The following KIAA1328 variants were observed in gnomAD, a reference collection of about 807,000 sequenced individuals.
The protein encoded by KIAA1328 is protein hinderin.
In KIAA1328, 52 loss-of-function variants were observed where a neutral mutation model predicts 68.1. That is an observed-to-expected ratio of 0.76 (90% CI 0.61 to 0.96). The LOEUF is 0.96. Ranked by LOEUF, KIAA1328 falls within the 40% of genes least tolerant of loss-of-function variation. KIAA1328 has a pLI of 0.00. For missense variants in KIAA1328, 641 were observed against 677.6 expected, an observed-to-expected ratio of 0.95 and a Z score of 0.60; for synonymous variants, 232 against 239.4, an observed-to-expected ratio of 0.97 and a Z score of 0.28.
At chr18:37,011,057 T>G (rs2053962616) in intron 6 of KIAA1328, among the ~76,000 whole-genome samples, 1 of 152,142 alleles carries the variant, frequency 6.6e-6, no homozygotes, top group African/African-American at 2.4e-5. Flanking sequence ...CTTGTAAGTT[T>G]ACAACTGTGA....
At chr18:37,197,426 A>G (rs1455042472) in intron 9 of KIAA1328, among the ~76,000 whole-genome samples, 1 of 152,156 alleles carries the variant, frequency 6.6e-6, no homozygotes, top group African/African-American at 2.4e-5. Flanking sequence ...TAAAGCAAGA[A>G]TAAAAAAATC....
chr18:37,140,019 T>C (rs1054453935), intron 7 of KIAA1328, among the ~76,000 whole-genome samples: 1 of 152,162 alleles, frequency 6.6e-6, no homozygotes, highest in Admixed American at 6.5e-5. Flanking sequence ...TCTATGGAGA[T>C]GATAGTCCTT....
chr18:36,869,336 A>G (rs2047864404), intron 4 of KIAA1328, among the ~76,000 whole-genome samples: 2 of 151,858 alleles, frequency 1.3e-5, no homozygotes. Context: ...ACCAGACCCT[A>G]CCTCCTAAAA....
chr18:37,190,716 T>A (rs927580728), intron 9 of KIAA1328, among the ~76,000 whole-genome samples: 5 of 152,194 alleles, frequency 3.3e-5, no homozygotes, highest in African/African-American at 1.2e-4. Context: ...TCATTCTTTA[T>A]CTCTTTCCTT....
At chr18:37,063,713 A>G in intron 6 of KIAA1328, 1 of 980,180 alleles carries the variant, frequency 1.0e-6, no homozygotes, top group Non-Finnish European at 1.2e-6. Flanking sequence ...AACAGGAAAC[A>G]TTAACTGAAA....
At chr18:37,184,577 G>C (rs1217839250) in intron 9 of KIAA1328, among the ~76,000 whole-genome samples, 1 of 152,160 alleles carries the variant, frequency 6.6e-6, no homozygotes, top group Non-Finnish European at 1.5e-5. Flanking sequence ...TTAGAGGAAA[G>C]GGCATTAGAG....
chr18:36,942,001 A>C (rs1034549920), intron 5 of KIAA1328, among the ~76,000 whole-genome samples: 2 of 152,246 alleles, frequency 1.3e-5, no homozygotes, highest in Admixed American at 6.5e-5. Flanking sequence ...AAATACTACA[A>C]TAAATATGGT....
chr18:37,039,787 C>T (rs2055173433), intron 6 of KIAA1328, among the ~76,000 whole-genome samples: 1 of 152,120 alleles, frequency 6.6e-6, no homozygotes, highest in African/African-American at 2.4e-5. Flanking sequence ...TTATCTAGTC[C>T]TGTAGGTCAG....
chr18:37,164,765 A>T (rs2059352138), intron 8 of KIAA1328, among the ~76,000 whole-genome samples: 1 of 152,108 alleles, frequency 6.6e-6, no homozygotes, highest in South Asian at 2.1e-4. Context: ...AATCAAAATA[A>T]AAAAGTGCTG....
At chr18:37,190,398 A>G (rs2059883779) in intron 9 of KIAA1328, among the ~76,000 whole-genome samples, 1 of 152,214 alleles carries the variant, frequency 6.6e-6, no homozygotes, top group Admixed American at 6.5e-5. Flanking sequence ...AGAAAAATAT[A>G]TATTAAAGTT....
chr18:36,869,897 T>C (rs1000259651), intron 4 of KIAA1328, among the ~76,000 whole-genome samples: 1 of 152,090 alleles, frequency 6.6e-6, no homozygotes, highest in Non-Finnish European at 1.5e-5. Flanking sequence ...GGAGTCTCAC[T>C]CTGTCACCAG....
chr18:36,831,325 T>G (rs1412943195), intron 1 of KIAA1328, among the ~76,000 whole-genome samples: 1 of 152,146 alleles, frequency 6.6e-6, no homozygotes, highest in African/African-American at 2.4e-5. Flanking sequence ...TTGTTGTTGT[T>G]GTGAGTTATA....
intron 9 of KIAA1328, among the ~76,000 whole-genome samples, chr18:37,178,609 T>C (rs1347384242): frequency 6.6e-6 from 1 of 152,142 alleles, no homozygotes; most frequent in African/African-American, 2.4e-5. Flanking sequence ...AGCAGTGGGA[T>C]TGTTGGATCA....
At chr18:36,943,656 G>A (rs1465123019) in intron 5 of KIAA1328, among the ~76,000 whole-genome samples, 14 of 152,158 alleles carry the variant, frequency 9.2e-5, no homozygotes, top group Non-Finnish European at 1.6e-4. Context: ...AGTCATTTGG[G>A]TGTTGGAAAA....
intron 7 of KIAA1328, among the ~76,000 whole-genome samples, chr18:37,082,723 A>G (rs1372256479): frequency 1.3e-5 from 2 of 152,214 alleles, no homozygotes; most frequent in Non-Finnish European, 2.9e-5. Flanking sequence ...TTACTACATG[A>G]TTGCCGATAA....
At chr18:37,082,329 G>A (rs1354797804) in intron 7 of KIAA1328, among the ~76,000 whole-genome samples, 1 of 151,772 alleles carries the variant, frequency 6.6e-6, no homozygotes, top group Non-Finnish European at 1.5e-5. Context: ...CTGCCACCAC[G>A]CACAGCTAAT....
In KIAA1328 at chr18:37,223,911, T is replaced by C. The variant is rs1251319702; in HGVS notation, c.*1684T>C. 2 of 982,008 alleles carry C rather than the reference T, an allele frequency of 2.0e-6. No homozygotes were observed. Among genetic ancestry groups the C allele is most frequent in the African/African-American group, 3.5e-5 (2 of 57,144 alleles). The allele number at this position is 982,008 out of a possible 1,614,324, so 60.8% of individuals were successfully genotyped here. A position where few individuals can be genotyped will look rare whatever the true frequency, so the allele number is the denominator to read the frequency against. ...AAATAAATATAAAGTCAAGACTAAC[T>C]AGTTATAATCATTCCCTTAAAAAGT... On this transcript the variant is annotated 3_prime_UTR_variant, in exon 10 of 10. Coordinates refer to ENST00000280020, the MANE Select transcript of KIAA1328 (RefSeq NM_020776.3).
intron 7 of KIAA1328, among the ~76,000 whole-genome samples, chr18:37,143,689 A>G (rs114958105): frequency 3.8e-4 from 58 of 152,146 alleles, no homozygotes; most frequent in African/African-American, 1.4e-3. Flanking sequence ...GCTGTCCTCT[A>G]TAAAATTGAA....
At chr18:36,893,133 C>G (rs561550394) in intron 5 of KIAA1328, among the ~76,000 whole-genome samples, 58 of 152,218 alleles carry the variant, frequency 3.8e-4, no homozygotes, top group African/African-American at 1.4e-3. Flanking sequence ...TTAAGTTACT[C>G]TTTAATAATG....
Sources: allele counts gnomAD v4.1 joint callset (sites outside exome capture counted in the v4.1 genomes callset), GRCh38; gene constraint gnomAD v4.1.1; transcripts MANE v1.5; gene names NCBI Gene and HGNC (gene_info 2026-07-23, HGNC 2026-07-21).